The following DMD variants were observed in gnomAD, a reference collection of about 807,000 sequenced individuals.
The protein encoded by DMD is mutant dystrophin.
Under a neutral mutation model 330.1 loss-of-function variants are expected in DMD, and 63 were observed. The ratio of observed to expected loss-of-function variants is 0.19; its 90% confidence interval spans 0.16 to 0.24. The LOEUF (loss-of-function observed/expected upper bound fraction) is 0.24. DMD is among the 10% of genes least tolerant of loss of function. The pLI, the probability that DMD is intolerant of heterozygous loss-of-function variation, is 1.00. For synonymous variants in DMD, 1,223 were observed against 959.8 expected, an observed-to-expected ratio of 1.27 and a Z score of -5.07; for missense variants, 3,344 against 2,684.1, an observed-to-expected ratio of 1.25 and a Z score of -5.43.
intron 48 of DMD, among the ~76,000 whole-genome samples, chrX:31,844,788 T>G (rs890288315): frequency 9.0e-6 from 1 of 111,480 alleles, no homozygotes; most frequent in Non-Finnish European, 1.9e-5. Context: ...TTGTGGTTAT[T>G]GTAAATAGTT....
intron 44 of DMD, among the ~76,000 whole-genome samples, chrX:32,144,523 C>T (rs1009033200): frequency 3.6e-5 from 4 of 111,155 alleles, no homozygotes; most frequent in East Asian, 2.8e-4. Context: ...GTAATACATA[C>T]GGATACAACT....
chrX:32,929,659 C>T (rs1372461058), intron 2 of DMD, among the ~76,000 whole-genome samples: 2 of 111,001 alleles, frequency 1.8e-5, no homozygotes, highest in Non-Finnish European at 3.8e-5. Context: ...GACTGCTGCA[C>T]CCATCAACCC....
At chrX:32,414,394 A>G (rs2098158001) in intron 29 of DMD, among the ~76,000 whole-genome samples, 1 of 112,085 alleles carries the variant, frequency 8.9e-6, no homozygotes, top group East Asian at 2.8e-4. Flanking sequence ...ATATATGAAT[A>G]TGTTACGGGA....
intron 45 of DMD, among the ~76,000 whole-genome samples, chrX:31,939,694 T>C (rs1343602605): frequency 1.8e-5 from 2 of 110,935 alleles, no homozygotes; most frequent in East Asian, 2.8e-4. Flanking sequence ...TAAAAGGAGG[T>C]ACAAAAAAGG....
intron 52 of DMD, among the ~76,000 whole-genome samples, chrX:31,716,183 C>T (rs767478944): frequency 5.3e-5 from 6 of 112,161 alleles, no homozygotes; most frequent in African/African-American, 1.3e-4. Flanking sequence ...GCAACTTGCC[C>T]TCCCATCTCC....
chrX:32,284,581 A>C (rs1431286167), intron 43 of DMD, among the ~76,000 whole-genome samples: 1 of 111,772 alleles, frequency 8.9e-6, no homozygotes, highest in African/African-American at 3.3e-5. Flanking sequence ...TAAGCTCCCC[A>C]CATATATTGT....
intron 43 of DMD, among the ~76,000 whole-genome samples, chrX:32,224,355 T>C (rs1225762803): frequency 9.0e-6 from 1 of 111,385 alleles, no homozygotes; most frequent in East Asian, 2.8e-4. Context: ...CTCATGTCAG[T>C]TTTTAGTCAC....
intron 1 of DMD, among the ~76,000 whole-genome samples, chrX:33,189,121 A>G (rs1454672539): frequency 9.0e-6 from 1 of 111,654 alleles, no homozygotes; most frequent in Admixed American, 9.6e-5. Context: ...CCCTTTGTAT[A>G]TATATATAGA....
chrX:31,897,092 T>G (rs1422097365), intron 47 of DMD, among the ~76,000 whole-genome samples: 7 of 105,799 alleles, frequency 6.6e-5, no homozygotes, highest in Non-Finnish European at 1.4e-4. Context: ...CCCACAACAG[T>G]CCCCAGAGTG....
chrX:32,727,367 G>T (rs956865265), intron 7 of DMD, among the ~76,000 whole-genome samples: 1 of 110,893 alleles, frequency 9.0e-6, no homozygotes, highest in African/African-American at 3.3e-5. Context: ...TATAAAAATG[G>T]TTTCACGAGA....
At position 31,425,524 on chromosome X, in the gene DMD, G is replaced by GA. The variant is rs376156126; in HGVS notation, c.9084+18956dup. 6.9e-3 allele frequency among the ~76,000 whole-genome samples: 772 copies of GA among 111,613 alleles called. 8 individuals are homozygous for GA. The highest frequency in any genetic ancestry group is 0.024 in the African/African-American group (723 of 30,621). ...GGGCAACAAAGGACACAGCTCTGAG[G>GA]AAAAAATTAAAATCTGGTCTAAGCC... On this transcript the variant is annotated intron_variant, in intron 60 of 78. Transcript: ENST00000357033.
At chrX:32,797,366 A>G (rs969846507) in intron 7 of DMD, among the ~76,000 whole-genome samples, 8 of 112,615 alleles carry the variant, frequency 7.1e-5, no homozygotes, top group African/African-American at 2.6e-4. Context: ...TCCAACTATC[A>G]GCAAAATATA....
At chrX:32,845,242 C>G (rs1156550375) in intron 3 of DMD, among the ~76,000 whole-genome samples, 2 of 111,771 alleles carry the variant, frequency 1.8e-5, no homozygotes, top group African/African-American at 6.5e-5. Context: ...GGAGATTTGA[C>G]TCTAGCAAAA....
intron 43 of DMD, among the ~76,000 whole-genome samples, chrX:32,250,104 AAAT>A (rs2097257607): frequency 8.9e-6 from 1 of 111,891 alleles, no homozygotes; most frequent in African/African-American, 3.2e-5. Context: ...CTGATAGCAG[AAAT>A]AATAATACTT....
intron 1 of DMD, among the ~76,000 whole-genome samples, chrX:33,124,899 C>T (rs1283936559): frequency 9.3e-6 from 1 of 107,949 alleles, no homozygotes; most frequent in Admixed American, 1.0e-4. Context: ...TGGTGCATGC[C>T]TGTAATCCCA....
At chrX:32,392,432 T>C (rs1034621900) in intron 30 of DMD, among the ~76,000 whole-genome samples, 6 of 110,934 alleles carry the variant, frequency 5.4e-5, no homozygotes, top group African/African-American at 2.0e-4. Flanking sequence ...CTAATTTTTA[T>C]ATTTTTTAGT....
intron 66 of DMD, 100 bp downstream of exon 66, chrX:31,206,482 A>AAC (rs1169598788): frequency 2.4e-5 from 18 of 744,324 alleles, no homozygotes; most frequent in Non-Finnish European, 3.5e-5. Context: ...TTACATGAGG[A>AAC]ATCTGCTGTC....
intron 44 of DMD, among the ~76,000 whole-genome samples, chrX:32,208,302 G>C (rs1209428348): frequency 2.7e-5 from 3 of 111,893 alleles, no homozygotes; most frequent in African/African-American, 6.5e-5. Context: ...TTTTTCCCTT[G>C]TCAAATAGAA....
intron 2 of DMD, among the ~76,000 whole-genome samples, chrX:32,951,622 A>T (rs888236240): frequency 8.9e-6 from 1 of 111,749 alleles, no homozygotes; most frequent in Non-Finnish European, 1.9e-5. Context: ...TCCCACCCCC[A>T]GTCCTCAGAA....
Sources: gnomAD v4.1 joint callset for allele counts (sites outside exome capture counted in the v4.1 genomes callset) on GRCh38, gnomAD v4.1.1 for gene constraint, MANE v1.5 for transcripts, NCBI Gene and HGNC (gene_info 2026-07-23, HGNC 2026-07-21) for gene names.